The following PPCDC variants were observed in gnomAD, a reference collection of about 807,000 sequenced individuals.
PPCDC encodes phosphopantothenoylcysteine decarboxylase.
In PPCDC, 20 loss-of-function variants were observed where a neutral mutation model predicts 20.7. The ratio of observed to expected loss-of-function variants is 0.97; its 90% CI spans 0.68 to 1.41. The LOEUF (loss-of-function observed/expected upper bound fraction) is 1.41. PPCDC is among the 40% of genes most tolerant of loss of function. The pLI is 0.00. For missense variants in PPCDC, 246 were observed against 263.8 expected, an observed-to-expected ratio of 0.93 and a Z score of 0.47; for synonymous variants, 88 against 100.3, an observed-to-expected ratio of 0.88 and a Z score of 0.73.
chr15:75,025,612 G>C (rs2065950922), intron 1 of PPCDC, among the ~76,000 whole-genome samples: 1 of 152,148 alleles, frequency 6.6e-6, no homozygotes, highest in Non-Finnish European at 1.5e-5. Context: ...AGTGCCCTGG[G>C]ATCTTGAGGC....
chr15:75,049,391 C>T lies in PPCDC; in HGVS notation c.*156C>T. 1.4e-6 allele frequency: 1 copy of T among 690,848 alleles called. No individual in the cohort carries two copies. The highest frequency in any genetic ancestry group is 2.8e-5 in the East Asian group (1 of 36,236). 42.8% of individuals were successfully genotyped at this position (690,848 alleles called of 1,614,324 possible). A position where few individuals can be genotyped will look rare whatever the true frequency, so the allele number is the denominator to read the frequency against. On this transcript the variant is annotated 3_prime_UTR_variant, in exon 6 of 6. Coordinates refer to ENST00000342932, the MANE Select transcript of PPCDC (RefSeq NM_021823.5). ...GGGGCCAGGCCTGCTCCAGGTTAAA[C>T]TGGACGGAAGGCCCAGGTCTCAGTT...
chr15:75,044,028 C>G (rs2066190290), intron 3 of PPCDC, among the ~76,000 whole-genome samples: 4 of 148,694 alleles, frequency 2.7e-5, no homozygotes, highest in Admixed American at 2.7e-4. Flanking sequence ...GCCTGTCTTC[C>G]CCGCCCCCAC....
chr15:75,028,628 G>A (rs1275601772), intron 2 of PPCDC, among the ~76,000 whole-genome samples, 175 bp downstream of exon 2: 1 of 152,358 alleles, frequency 6.6e-6, no homozygotes. Flanking sequence ...ACAGAGACCA[G>A]TGCCCAGTGT....
chr15:75,025,937 TAC>T (rs146512098), intron 1 of PPCDC, among the ~76,000 whole-genome samples: 4 of 152,042 alleles, frequency 2.6e-5, no homozygotes, highest in Admixed American at 1.3e-4. Flanking sequence ...AGCACACACA[TAC>T]ACACACACAC....
At chr15:75,044,305 C>T in intron 3 of PPCDC, 81 bp from the exon 4 acceptor site, 2 of 1,572,758 alleles carry the variant, frequency 1.3e-6, no homozygotes, top group South Asian at 1.1e-5. Flanking sequence ...GTTCCTCAGT[C>T]TCCTGACTTA....
chr15:75,025,426 A>C (rs1021482945), intron 1 of PPCDC, among the ~76,000 whole-genome samples: 2 of 152,130 alleles, frequency 1.3e-5, no homozygotes, highest in African/African-American at 2.4e-5. Flanking sequence ...TGCCAGCTCC[A>C]CCTTTGCCCA....
At chr15:75,039,937 A>G (rs936964322) in intron 2 of PPCDC, among the ~76,000 whole-genome samples, 1 of 151,920 alleles carries the variant, frequency 6.6e-6, no homozygotes, top group African/African-American at 2.4e-5. Flanking sequence ...GGCATGCGCC[A>G]CCACACCCGG....
intron 3 of PPCDC, 191 bp downstream of exon 3, chr15:75,043,727 C>T (rs2066185017): frequency 5.1e-6 from 3 of 588,344 alleles, no homozygotes; most frequent in Non-Finnish European, 9.0e-6. Context: ...CCCTAGTCTC[C>T]TCCCGGCCCA....
intron 4 of PPCDC, among the ~76,000 whole-genome samples, chr15:75,047,916 TG>T (rs2066259105): frequency 6.6e-6 from 1 of 152,162 alleles, no homozygotes; most frequent in Non-Finnish European, 1.5e-5. Context: ...GTCTGTGGCT[TG>T]GTGGGACGGC....
chr15:75,032,853 T>G (rs1049996545), intron 2 of PPCDC, among the ~76,000 whole-genome samples: 2 of 152,008 alleles, frequency 1.3e-5, no homozygotes, highest in Admixed American at 6.6e-5. Context: ...CAGGCTGGAG[T>G]GCAGTGGTGT....
At position 75,049,501 on chromosome 15, in the gene PPCDC, T is replaced by C. The variant is rs2066285000; in HGVS notation, c.*266T>C. On this transcript the variant is annotated 3_prime_UTR_variant, in exon 6 of 6. Coordinates refer to ENST00000342932, the MANE Select transcript of PPCDC (RefSeq NM_021823.5). ...AGGCAAGCCAGGAGAGCAAGCAGTG[T>C]TGTCCTCACGGGAGGAGGACTGAGC... 1 of 478,786 alleles carries C rather than the reference T, an allele frequency of 2.1e-6. No individual in the cohort carries two copies. The highest frequency in any genetic ancestry group is 2.0e-5 in the African/African-American group (1 of 50,828). The allele number at this position is 478,786 out of a possible 1,614,324, so 29.7% of individuals were successfully genotyped here.
chr15:75,043,134 A>G (rs927251133), intron 2 of PPCDC: 16 of 275,552 alleles, frequency 5.8e-5, no homozygotes, highest in Non-Finnish European at 9.0e-5. Flanking sequence ...TGCCTCTGCC[A>G]CTGGGCCTAC....
intron 2 of PPCDC, among the ~76,000 whole-genome samples, chr15:75,038,391 T>A (rs995220445): frequency 1.3e-5 from 2 of 152,210 alleles, no homozygotes; most frequent in African/African-American, 4.8e-5. Context: ...TCAGGAGCTC[T>A]CTGTAGGCTG....
chr15:75,044,931 G>C (rs1279357222), intron 4 of PPCDC: 1 of 190,654 alleles, frequency 5.2e-6, no homozygotes, highest in African/African-American at 2.4e-5. Context: ...TGTAATTGGG[G>C]GTTCACTTCT....
At chr15:75,045,599 A>G (rs1262025608) in intron 4 of PPCDC, among the ~76,000 whole-genome samples, 5 of 152,164 alleles carry the variant, frequency 3.3e-5, no homozygotes, top group Non-Finnish European at 7.3e-5. Flanking sequence ...ATACTTGTCA[A>G]TGGGCTCTTA....
intron 4 of PPCDC, among the ~76,000 whole-genome samples, chr15:75,047,264 GGAA>G (rs1396559638): frequency 6.6e-6 from 1 of 152,218 alleles, no homozygotes; most frequent in Admixed American, 6.5e-5. Context: ...GGAGCCAAGA[GGAA>G]GTGTGACTGA....
In PPCDC at chr15:75,049,464, C is replaced by T; in HGVS notation, c.*229C>T. On this transcript the variant is annotated 3_prime_UTR_variant, in exon 6 of 6. Coordinates refer to ENST00000342932, the MANE Select transcript of PPCDC (RefSeq NM_021823.5). ...TGCCTAGAGCCCCTCCCCACCTTTT[C>T]CTGGATGGGTGAGGCAAGCCAGGAG... 3 of 547,076 alleles carry T rather than the reference C, an allele frequency of 5.5e-6. No homozygotes were observed. The highest frequency in any genetic ancestry group is 9.8e-6 in the Non-Finnish European group (3 of 305,236). 33.9% of individuals were successfully genotyped at this position (547,076 alleles called of 1,614,324 possible).
chr15:75,049,842 C>T lies in PPCDC; in HGVS notation c.*607C>T, dbSNP rs1404647246. On this transcript the variant is annotated 3_prime_UTR_variant, in exon 6 of 6. Transcript: ENST00000342932. ...AGGGTCTGGGTTCACAACTCACCGG[C>T]ACTCTTTAGTCCCCGTATAACATGG... is the stretch of plus-strand genomic sequence containing the variant. 6.6e-6 allele frequency: 1 copy of T among 152,512 alleles called. No individual in the cohort carries two copies. The highest frequency in any genetic ancestry group is 1.5e-5 in the Non-Finnish European group (1 of 68,320). 9.4% of individuals were successfully genotyped at this position (152,512 alleles called of 1,614,324 possible).
At chr15:75,025,884 A>G (rs1038542704) in intron 1 of PPCDC, among the ~76,000 whole-genome samples, 6 of 152,268 alleles carry the variant, frequency 3.9e-5, no homozygotes, top group Non-Finnish European at 7.3e-5. Context: ...CTCGCCTCCA[A>G]ATGTTGGTTA....
Sources: gnomAD v4.1 joint callset for allele counts (sites outside exome capture counted in the v4.1 genomes callset) on GRCh38, gnomAD v4.1.1 for gene constraint, MANE v1.5 for transcripts, NCBI Gene and HGNC (gene_info 2026-07-23, HGNC 2026-07-21) for gene names.